WDFY1: variants seen among roughly 807,000 people sequenced by gnomAD.
The protein encoded by WDFY1 is WD repeat and FYVE domain containing 1.
Under a neutral mutation model 56.4 loss-of-function variants are expected in WDFY1, and 32 were observed. That is an observed-to-expected ratio of 0.57 (90% CI 0.43 to 0.76). The LOEUF (loss-of-function observed/expected upper bound fraction) is 0.76, where lower values mean the gene tolerates loss of function less well. Among genes scored for constraint, WDFY1 ranks in the 30% least tolerant of loss-of-function variants. The pLI is 0.00. For missense variants in WDFY1, 480 were observed against 545.7 expected (o/e 0.88, Z 1.20); for synonymous variants, 192 against 197.3 (o/e 0.97, Z 0.23).
intron 8 of WDFY1, among the ~76,000 whole-genome samples, chr2:223,890,544 T>A (rs775275927): frequency 1.3e-5 from 2 of 152,230 alleles, no homozygotes; most frequent in East Asian, 3.8e-4. Flanking sequence ...ACTCAGAATA[T>A]AGCATTACAC....
At chr2:223,923,528 G>A (rs942016294) in intron 1 of WDFY1, among the ~76,000 whole-genome samples, 6 of 152,156 alleles carry the variant, frequency 3.9e-5, no homozygotes, top group Admixed American at 6.5e-5. Flanking sequence ...TTGGGAGGCC[G>A]AGGCGGGTGG....
At chr2:223,906,064 T>G in intron 3 of WDFY1, 63 bp from the exon 4 acceptor site, 1 of 1,293,582 alleles carries the variant, frequency 7.7e-7, no homozygotes, top group Non-Finnish European at 1.0e-6. Flanking sequence ...CAACAGAAAC[T>G]TGACTTTCAA....
chr2:223,927,240 A>C (rs958125706), intron 1 of WDFY1, among the ~76,000 whole-genome samples: 1 of 152,238 alleles, frequency 6.6e-6, no homozygotes, highest in Non-Finnish European at 1.5e-5. Flanking sequence ...CTTTGAAGCC[A>C]GGCACTGACT....
At chr2:223,941,470 G>A (rs1689305161) in intron 1 of WDFY1, among the ~76,000 whole-genome samples, 1 of 151,868 alleles carries the variant, frequency 6.6e-6, no homozygotes, top group Non-Finnish European at 1.5e-5. Flanking sequence ...CTTTCTAGAT[G>A]CCACTCCTCT....
rs759935855 is a variant in WDFY1 at position 223,945,280 on chromosome 2, G to T, written c.5C>A (p.Ala2Glu). The T allele has an allele frequency of 2.1e-5, 33 of 1,570,744 alleles. No homozygotes were observed. Among genetic ancestry groups the T allele is most frequent in the Non-Finnish European group, 2.7e-5 (32 of 1,165,008 alleles). MAAEIHSRPQSS... is the reference protein window; with the variant it reads MEAEIHSRPQSS... ...CTGCGGCCTGGAGTGGATTTCGGCCGCCATGTTCGCGCGGCGACTGCTGCG... is the reference window on the plus strand; with the variant it reads ...CTGCGGCCTGGAGTGGATTTCGGCCTCCATGTTCGCGCGGCGACTGCTGCG... Residue 2 changes from alanine (A) to glutamate (E), a missense_variant, in exon 1 of 12, where the codon GCG becomes GAG. Coordinates refer to ENST00000233055, the MANE Select transcript of WDFY1 (RefSeq NM_020830.5).
chr2:223,899,295 A>T (rs1317773207), intron 5 of WDFY1: 1 of 462,462 alleles, frequency 2.2e-6, no homozygotes, highest in Non-Finnish European at 3.9e-6. Flanking sequence ...TTACTGAGAA[A>T]GTTTATATTC....
chr2:223,934,688 T>C (rs1475403296), intron 1 of WDFY1, among the ~76,000 whole-genome samples: 1 of 151,986 alleles, frequency 6.6e-6, no homozygotes. Flanking sequence ...GCCTGGCTAA[T>C]CTTTGTATTT....
chr2:223,895,926 G>A (rs1268097602), intron 6 of WDFY1, among the ~76,000 whole-genome samples: 4 of 151,968 alleles, frequency 2.6e-5, no homozygotes, highest in Non-Finnish European at 5.9e-5. Context: ...GGGAGGCCAA[G>A]GAGGGCGAAT....
intron 10 of WDFY1, among the ~76,000 whole-genome samples, chr2:223,881,671 C>T (rs1159421957): frequency 2.6e-5 from 4 of 152,026 alleles, no homozygotes; most frequent in Non-Finnish European, 1.5e-5. Flanking sequence ...GCCTGTAATC[C>T]CAGCTACTCG....
intron 6 of WDFY1, among the ~76,000 whole-genome samples, chr2:223,896,466 C>T (rs1040634268): frequency 2.4e-4 from 36 of 152,212 alleles, no homozygotes; most frequent in African/African-American, 8.7e-4. Flanking sequence ...CATAATTATG[C>T]CAAGTAATTT....
chr2:223,901,035 TG>T, intron 5 of WDFY1, 147 bp downstream of exon 5: 2 of 920,896 alleles, frequency 2.2e-6, no homozygotes, highest in South Asian at 2.1e-5. Context: ...TTACTTTCCA[TG>T]GTAAAAAAAA....
intron 1 of WDFY1, among the ~76,000 whole-genome samples, chr2:223,944,493 C>T (rs897711201): frequency 6.6e-6 from 1 of 151,616 alleles, no homozygotes; most frequent in African/African-American, 2.4e-5. Flanking sequence ...GCTTGAGCAG[C>T]GCGGTGAGAC....
chr2:223,877,627 T>C lies in WDFY1; in HGVS notation c.*1044A>G, dbSNP rs528837783. The C allele has an allele frequency of 6.6e-5, 10 of 152,254 alleles. No homozygotes were observed. The highest frequency in any genetic ancestry group is 1.3e-4 in the Non-Finnish European group (9 of 68,060). The allele number at this position is 152,254 out of a possible 1,614,324, so 9.4% of individuals were successfully genotyped here. A position where few individuals can be genotyped will look rare whatever the true frequency, so the allele number is the denominator to read the frequency against. On this transcript the variant is annotated 3_prime_UTR_variant, in exon 12 of 12. Transcript: ENST00000233055. ...TTGTGGAAGACTTGATGGATGATTATAGCTCTGGGTCACTAACTTCTTTTT... is the reference window on the plus strand; with the variant it reads ...TTGTGGAAGACTTGATGGATGATTACAGCTCTGGGTCACTAACTTCTTTTT...
At chr2:223,911,569 CACACACACA>C (rs1559169917) in intron 3 of WDFY1, among the ~76,000 whole-genome samples, 356 of 18,338 alleles carry the variant, frequency 0.019, 5 homozygotes, top group South Asian at 0.081. Context: ...TGAATGACCA[CACACACACA>C]CACACACACA....
intron 1 of WDFY1, among the ~76,000 whole-genome samples, chr2:223,930,024 A>G (rs1284860597): frequency 6.6e-6 from 1 of 152,186 alleles, no homozygotes; most frequent in Non-Finnish European, 1.5e-5. Flanking sequence ...AGAAGCAGTA[A>G]ATTACTTTTT....
intron 1 of WDFY1, among the ~76,000 whole-genome samples, chr2:223,942,526 A>AATTTTTTTTTTTTT: frequency 1.3e-5 from 1 of 78,764 alleles, no homozygotes; most frequent in South Asian, 4.1e-4. Flanking sequence ...CCAAAGGCTA[A>AATTTTTTTTTTTTT]CTTTTTTTTT....
chr2:223,924,693 G>A (rs959967032), intron 1 of WDFY1, among the ~76,000 whole-genome samples: 2 of 152,112 alleles, frequency 1.3e-5, no homozygotes, highest in Non-Finnish European at 2.9e-5. Flanking sequence ...TCATTGTTCA[G>A]CACTGTAGAT....
At chr2:223,904,344 C>T (rs766436722) in intron 4 of WDFY1, among the ~76,000 whole-genome samples, 10 of 152,156 alleles carry the variant, frequency 6.6e-5, no homozygotes, top group Non-Finnish European at 1.3e-4. Context: ...CTCCGCCTCC[C>T]GGGTTCAAGC....
intron 1 of WDFY1, among the ~76,000 whole-genome samples, chr2:223,925,977 A>G (rs1011925010): frequency 7.2e-5 from 11 of 152,182 alleles, no homozygotes; most frequent in African/African-American, 2.4e-4. Context: ...GTTATCCATG[A>G]GGGCTGGAAT....
Sources: allele counts gnomAD v4.1 joint callset (sites outside exome capture counted in the v4.1 genomes callset), GRCh38; gene constraint gnomAD v4.1.1; transcripts MANE v1.5; gene names NCBI Gene and HGNC (gene_info 2026-07-23, HGNC 2026-07-21).